The following TRMT11 variants were observed in gnomAD, a reference collection of about 807,000 sequenced individuals.
TRMT11 encodes tRNA (guanine(10)-N(2))-methyltransferase TRMT11.
A neutral mutation model predicts 62.8 loss-of-function variants in TRMT11; 53 were observed. The observed-to-expected ratio is 0.84, with a 90% confidence interval of 0.68 to 1.06. The LOEUF is 1.06. Ranked by LOEUF, TRMT11 falls within the 50% of genes least tolerant of loss-of-function variation. TRMT11 has a pLI of 0.00. For synonymous variants in TRMT11, 188 were observed against 190.3 expected (o/e 0.99, Z 0.10); for missense variants, 556 against 553.4 (o/e 1.00, Z -0.05).
intron 17 of TRMT11, among the ~76,000 whole-genome samples, chr6:126,092,866 CT>C (rs970026420): frequency 2.6e-5 from 4 of 152,156 alleles, no homozygotes; most frequent in African/African-American, 9.7e-5. Flanking sequence ...ATGTGATATA[CT>C]TTTAATCTGT....
At chr6:126,010,399 C>T (rs10485179) in intron 8 of TRMT11, among the ~76,000 whole-genome samples, 88,699 of 151,790 alleles carry the variant, frequency 0.58, 27,557 homozygotes, top group East Asian at 0.95. Flanking sequence ...TCTTTGAGCA[C>T]TTCTCCGTCA....
At chr6:126,137,415 A>G (rs998493607) in intron 21 of TRMT11, among the ~76,000 whole-genome samples, 3 of 151,926 alleles carry the variant, frequency 2.0e-5, no homozygotes, top group Admixed American at 2.0e-4. Flanking sequence ...ATCATCAGGG[A>G]AATGCAAATC....
Position 125,996,059 on chromosome 6 carries a change from C to G in TRMT11, c.212+19C>G. 4 of 1,534,096 alleles carry G rather than the reference C, an allele frequency of 2.6e-6. No individual in the cohort carries two copies. The highest frequency in any genetic ancestry group is 3.6e-6 in the Non-Finnish European group (4 of 1,107,268). The stretch of plus-strand genomic sequence containing the variant: ...GTGCCAAGTAAGAGAAACTTATGTT[C>G]TCCTGCATGAATATACTGGTACTTC... On this transcript the variant is annotated intron_variant, in intron 3 of 12. Coordinates refer to ENST00000334379, the MANE Select transcript of TRMT11 (RefSeq NM_001031712.3).
At chr6:126,265,948 C>T in the TRMT11 span, among the ~76,000 whole-genome samples, 1 of 152,192 alleles carries the variant, frequency 6.6e-6, no homozygotes, top group African/African-American at 2.4e-5. Context: ...ATCTCTCATC[C>T]ATGTTCCTAT....
At chr6:126,123,088 C>T (rs1056789725) in intron 21 of TRMT11, among the ~76,000 whole-genome samples, 3 of 152,010 alleles carry the variant, frequency 2.0e-5, no homozygotes, top group Admixed American at 1.3e-4. Context: ...CTGTAATGTG[C>T]GATGATAATA....
chr6:126,003,149 G>A (rs1792794305), intron 7 of TRMT11, among the ~76,000 whole-genome samples: 1 of 152,052 alleles, frequency 6.6e-6, no homozygotes, highest in Non-Finnish European at 1.5e-5. Context: ...TTGTAATGTT[G>A]GAGATGTAGC....
intron 16 of TRMT11, among the ~76,000 whole-genome samples, chr6:126,052,641 T>C (rs1776251793): frequency 6.6e-6 from 1 of 152,190 alleles, no homozygotes; most frequent in Non-Finnish European, 1.5e-5. Flanking sequence ...TTTCTGAAGC[T>C]CCTACTAATT....
At chr6:126,003,113 A>T (rs1027491211) in intron 7 of TRMT11, among the ~76,000 whole-genome samples, 1 of 152,122 alleles carries the variant, frequency 6.6e-6, no homozygotes, top group Non-Finnish European at 1.5e-5. Context: ...AATGCTTGAA[A>T]TGACTAACCT....
chr6:126,116,034 T>G (rs972324097), intron 21 of TRMT11, among the ~76,000 whole-genome samples: 1 of 148,918 alleles, frequency 6.7e-6, no homozygotes, highest in African/African-American at 2.5e-5. Flanking sequence ...TTTTTTTTTT[T>G]AATTTTCAAT....
At chr6:126,180,335 T>C (rs140122540) in intron 1 of TRMT11, among the ~76,000 whole-genome samples, 17 of 152,322 alleles carry the variant, frequency 1.1e-4, no homozygotes, top group African/African-American at 3.6e-4. Flanking sequence ...GATAAATACC[T>C]TGTCCAAGCC....
intron 8 of TRMT11, 105 bp from the exon 9 acceptor site, chr6:126,011,147 TG>T: frequency 1.1e-6 from 1 of 942,126 alleles, no homozygotes; most frequent in South Asian, 2.2e-5. Flanking sequence ...AAGCAAATTT[TG>T]AATAAATGTA....
At chr6:126,203,653 C>A (rs111805865), downstream of TRMT11, among the ~76,000 whole-genome samples, 2 of 152,000 alleles carry the variant, frequency 1.3e-5, no homozygotes, top group Admixed American at 1.3e-4. Context: ...AAAGCTGTTA[C>A]GTACAAGCAT....
chr6:126,006,478 G>A (rs550999835), intron 7 of TRMT11, among the ~76,000 whole-genome samples: 1 of 151,930 alleles, frequency 6.6e-6, no homozygotes, highest in Admixed American at 6.6e-5. Flanking sequence ...TACTATTTAA[G>A]TAATGAGAAA....
chr6:126,054,460 C>T (rs572445196), intron 17 of TRMT11, among the ~76,000 whole-genome samples: 2 of 152,310 alleles, frequency 1.3e-5, no homozygotes, highest in African/African-American at 4.8e-5. Flanking sequence ...CCCTGACTGA[C>T]AGATACTTGC....
At chr6:126,258,151 C>A in the TRMT11 span, 1 of 768,314 alleles carries the variant, frequency 1.3e-6, no homozygotes, top group Non-Finnish European at 2.4e-6. Flanking sequence ...ATCCACTCCT[C>A]CAGGTTGAGG....
exon 4 of TRMT11, chr6:126,202,100 G>C (rs901300296): frequency 6.6e-6 from 1 of 152,086 alleles, no homozygotes; most frequent in Non-Finnish European, 1.5e-5. Flanking sequence ...TAACCATTTT[G>C]CCAGCCACAG....
At chr6:126,050,646 CTG>C (rs775289533) in intron 16 of TRMT11, among the ~76,000 whole-genome samples, 4 of 151,702 alleles carry the variant, frequency 2.6e-5, no homozygotes, top group Non-Finnish European at 4.4e-5. Flanking sequence ...TTACAGGAAA[CTG>C]TGATTATGCC....
chr6:126,117,685 C>T (rs1396900675), intron 21 of TRMT11, among the ~76,000 whole-genome samples: 1 of 152,050 alleles, frequency 6.6e-6, no homozygotes, highest in African/African-American at 2.4e-5. Flanking sequence ...GAATGAATGA[C>T]CAACTGTAAC....
intron 21 of TRMT11, among the ~76,000 whole-genome samples, chr6:126,163,776 A>G (rs1488563266): frequency 6.6e-6 from 1 of 151,848 alleles, no homozygotes; most frequent in Non-Finnish European, 1.5e-5. Flanking sequence ...TGTTTATAGT[A>G]TTCTCTGATG....
Sources: gnomAD v4.1 joint callset for allele counts (sites outside exome capture counted in the v4.1 genomes callset) on GRCh38, gnomAD v4.1.1 for gene constraint, MANE v1.5 for transcripts, NCBI Gene and HGNC (gene_info 2026-07-23, HGNC 2026-07-21) for gene names.